WWTR1: variants seen among roughly 807,000 people sequenced by gnomAD.
WWTR1 encodes WW domain containing transcription regulator 1, also known as WW domain-containing transcription regulator protein 1.
Under a neutral mutation model 40.1 loss-of-function variants are expected in WWTR1, and 13 were observed. The ratio of observed to expected loss-of-function variants is 0.32; its 90% confidence interval spans 0.21 to 0.52. WWTR1 has a LOEUF of 0.52. Ranked by LOEUF, WWTR1 falls within the 20% of genes least tolerant of loss-of-function variation. WWTR1 has a pLI of 0.97. For missense variants in WWTR1, 436 were observed against 523.1 expected (o/e 0.83, Z 1.63); for synonymous variants, 230 against 210.1 (o/e 1.09, Z -0.82).
At chr3:149,686,962 C>CAACT in intron 1 of WWTR1, among the ~76,000 whole-genome samples, 1 of 152,214 alleles carries the variant, frequency 6.6e-6, no homozygotes, top group East Asian at 1.9e-4. Flanking sequence ...CTCTGTCGTC[C>CAACT]AACTACCTCA....
At chr3:149,549,589 G>A (rs937939311) in intron 3 of WWTR1, among the ~76,000 whole-genome samples, 1 of 152,240 alleles carries the variant, frequency 6.6e-6, no homozygotes, top group African/African-American at 2.4e-5. Context: ...TGTAATGCCA[G>A]CACTTTGGGA....
intron 1 of WWTR1, among the ~76,000 whole-genome samples, chr3:149,695,751 G>T (rs1310998736): frequency 8.8e-6 from 1 of 113,380 alleles, no homozygotes; most frequent in African/African-American, 3.3e-5. Flanking sequence ...ACAGAGCAAG[G>T]CTCCATCTCA....
rs397950107 is a variant in WWTR1, at chr3:149,636,966, G to GAAAAAA, written c.431+19904_431+19909dup. Reference sequence around the variant, plus strand: ...GCGACAGAGCAAGACTGTCTCAAGTGAAAAAAAAAAAAAAAAAAAAAAAAG... The same window carrying GAAAAAA: ...GCGACAGAGCAAGACTGTCTCAAGTGAAAAAAAAAAAAAAAAAAAAAAAAAAAAAAG... On this transcript the variant is annotated intron_variant, in intron 2 of 6. Transcript: ENST00000360632. Among the ~76,000 whole-genome samples, 34 of 43,312 alleles carry GAAAAAA rather than the reference G, an allele frequency of 7.9e-4. 1 individual carries two copies. The highest frequency in any genetic ancestry group is 1.9e-3 in the African/African-American group (20 of 10,318). The allele number at this position is 43,312 out of a possible 152,430, so 28.4% of individuals were successfully genotyped here. A position where few individuals can be genotyped will look rare whatever the true frequency, so the allele number is the denominator to read the frequency against.
chr3:149,619,571 T>A (rs1245628626), intron 2 of WWTR1, among the ~76,000 whole-genome samples: 4 of 152,146 alleles, frequency 2.6e-5, no homozygotes, highest in Non-Finnish European at 5.9e-5. Flanking sequence ...TACAGTAAGC[T>A]ATGATCACAC....
At chr3:149,622,115 A>T (rs953210234) in intron 2 of WWTR1, among the ~76,000 whole-genome samples, 1 of 152,134 alleles carries the variant, frequency 6.6e-6, no homozygotes, top group Non-Finnish European at 1.5e-5. Context: ...CTATTTTTTT[A>T]TTATGATAAA....
At chr3:149,604,980 A>G (rs1322239885) in intron 2 of WWTR1, among the ~76,000 whole-genome samples, 1 of 152,352 alleles carries the variant, frequency 6.6e-6, no homozygotes, top group East Asian at 1.9e-4. Context: ...AGTGAGATTC[A>G]TGGATAGGCT....
intron 4 of WWTR1, among the ~76,000 whole-genome samples, chr3:149,529,414 T>A (rs16861941): frequency 0.2 from 29,630 of 151,418 alleles, 4,399 homozygotes; most frequent in African/African-American, 0.42. Flanking sequence ...CTGATTGATT[T>A]AAAAAAAAAC....
chr3:149,704,417 T>C (rs1335664942), upstream of WWTR1, among the ~76,000 whole-genome samples: 1 of 152,142 alleles, frequency 6.6e-6, no homozygotes, highest in Admixed American at 6.5e-5. Context: ...CCAAATGCAG[T>C]TTAGTGACTG....
intron 1 of WWTR1, among the ~76,000 whole-genome samples, chr3:149,695,841 A>G (rs1178699367): frequency 6.7e-6 from 1 of 149,804 alleles, no homozygotes; most frequent in Non-Finnish European, 1.5e-5. Flanking sequence ...GGCCGGACGC[A>G]GTGGCTCATG....
At chr3:149,684,854 G>A (rs1714590533) in intron 1 of WWTR1, among the ~76,000 whole-genome samples, 1 of 152,112 alleles carries the variant, frequency 6.6e-6, no homozygotes, top group Non-Finnish European at 1.5e-5. Context: ...GTGCTCCACT[G>A]TACCCAGCCT....
At chr3:149,594,912 T>C (rs1738911086) in intron 2 of WWTR1, among the ~76,000 whole-genome samples, 2 of 151,718 alleles carry the variant, frequency 1.3e-5, no homozygotes, top group Non-Finnish European at 2.9e-5. Flanking sequence ...TCTAAAGTAC[T>C]TAGGGAAAAT....
chr3:149,535,283 C>T (rs1217666337), intron 4 of WWTR1, among the ~76,000 whole-genome samples: 5 of 151,590 alleles, frequency 3.3e-5, no homozygotes, highest in Non-Finnish European at 5.9e-5. Flanking sequence ...AATAGTTATT[C>T]TGGATGCAGA....
chr3:149,717,851 T>C (rs887995331), intron 4 of WWTR1, among the ~76,000 whole-genome samples: 1 of 152,180 alleles, frequency 6.6e-6, no homozygotes, highest in African/African-American at 2.4e-5. Flanking sequence ...AGTATTCACA[T>C]GTTTTCTACT....
At chr3:149,582,560 T>TAA (rs576863232) in intron 2 of WWTR1, among the ~76,000 whole-genome samples, 5 of 143,146 alleles carry the variant, frequency 3.5e-5, no homozygotes, top group Non-Finnish European at 6.1e-5. Context: ...ATCTTATCTC[T>TAA]AAAAAAAAAA....
At chr3:149,670,235 T>C (rs1436858745) in intron 1 of WWTR1, among the ~76,000 whole-genome samples, 2 of 152,128 alleles carry the variant, frequency 1.3e-5, no homozygotes, top group Non-Finnish European at 1.5e-5. Flanking sequence ...GTCCTAAGCA[T>C]TTACCCACAT....
chr3:149,589,643 T>C (rs1303554060), intron 2 of WWTR1, among the ~76,000 whole-genome samples: 4 of 128,460 alleles, frequency 3.1e-5, no homozygotes, highest in Non-Finnish European at 4.8e-5. Context: ...TTCCTTTCCA[T>C]GAGTTTTTTT....
chr3:149,549,002 A>C (rs1736496815), intron 3 of WWTR1, among the ~76,000 whole-genome samples: 1 of 152,206 alleles, frequency 6.6e-6, no homozygotes, highest in Non-Finnish European at 1.5e-5. Context: ...GTGGTTCATT[A>C]GTTTACTAAA....
intron 2 of WWTR1, among the ~76,000 whole-genome samples, chr3:149,619,854 A>G (rs1356362896): frequency 6.6e-6 from 1 of 152,142 alleles, no homozygotes; most frequent in Non-Finnish European, 1.5e-5. Context: ...CACAGGCTGA[A>G]ACTGGAGATC....
chr3:149,618,999 A>G (rs1011841499), intron 2 of WWTR1, among the ~76,000 whole-genome samples: 2 of 152,226 alleles, frequency 1.3e-5, no homozygotes, highest in Admixed American at 6.5e-5. Context: ...CCAAACAAGG[A>G]AATCCAAGAT....
Sources: allele counts gnomAD v4.1 joint callset (sites outside exome capture counted in the v4.1 genomes callset), GRCh38; gene constraint gnomAD v4.1.1; transcripts MANE v1.5; gene names NCBI Gene and HGNC (gene_info 2026-07-23, HGNC 2026-07-21).